Variants in FBXO4 observed in about 807,000 individuals in gnomAD.
The protein encoded by FBXO4 is F-box protein 4.
A neutral mutation model predicts 43.7 loss-of-function variants in FBXO4; 36 were observed. The observed-to-expected ratio is 0.82, with a 90% CI of 0.63 to 1.09. The LOEUF (loss-of-function observed/expected upper bound fraction) is 1.09. FBXO4 is among the 50% of genes least tolerant of loss of function. The pLI is 0.00. For missense variants in FBXO4, 435 were observed against 474.1 expected (o/e 0.92, Z 0.77); for synonymous variants, 180 against 165.6 (o/e 1.09, Z -0.67).
the FBXO4 span, among the ~76,000 whole-genome samples, chr5:42,029,936 A>G: frequency 6.6e-6 from 1 of 152,062 alleles, no homozygotes; most frequent in African/African-American, 2.4e-5. Flanking sequence ...ACTACAAACC[A>G]CTGCTCAATG....
At chr5:41,978,309 A>G in the FBXO4 span, among the ~76,000 whole-genome samples, 1 of 152,188 alleles carries the variant, frequency 6.6e-6, no homozygotes, top group East Asian at 1.9e-4. Flanking sequence ...CACACCTCCA[A>G]CGTTGGAGAT....
Position 41,933,978 on chromosome 5 carries a change from A to C in FBXO4, c.679A>C (p.Asn227His), listed in dbSNP as rs774535471. 1 of 1,613,748 alleles carries C rather than the reference A, an allele frequency of 6.2e-7. No homozygotes were observed. Among genetic ancestry groups the C allele is most frequent in the Non-Finnish European group, 8.5e-7 (1 of 1,179,930 alleles). The change falls in exon 4 of 7, where the codon AAC becomes CAC. Residue 227 changes from asparagine (N) to histidine (H), a missense_variant. Coordinates refer to ENST00000281623, the MANE Select transcript of FBXO4 (RefSeq NM_012176.3). The stretch of plus-strand genomic sequence containing the variant: ...ATCAGGAGTCAATTTTCAGTTGAAC[A>C]ACCAACATAAATTCAACATTCTAAT... Reference protein sequence around the residue: ...IGSGVNFQLNNQHKFNILILY... With the variant: ...IGSGVNFQLNHQHKFNILILY...
chr5:41,983,269 A>G, the FBXO4 span, among the ~76,000 whole-genome samples: 1 of 152,148 alleles, frequency 6.6e-6, no homozygotes, highest in Non-Finnish European at 1.5e-5. Context: ...CATACTCTGT[A>G]TTGTCTATAT....
the FBXO4 span, among the ~76,000 whole-genome samples, chr5:41,970,635 T>C: frequency 1.3e-5 from 2 of 151,674 alleles, no homozygotes; most frequent in Non-Finnish European, 3.0e-5. Flanking sequence ...ATCTGTATAG[T>C]GGATGGGAAA....
At chr5:41,998,488 C>T in the FBXO4 span, among the ~76,000 whole-genome samples, 1 of 152,200 alleles carries the variant, frequency 6.6e-6, no homozygotes, top group Non-Finnish European at 1.5e-5. Flanking sequence ...GCATTTCCAG[C>T]TAGCTCACAG....
At position 41,930,235 on chromosome 5, in the gene FBXO4, T is replaced by G. The variant is rs1371977469; in HGVS notation, c.646+318T>G. 4.6e-5 allele frequency: 11 copies of G among 237,476 alleles called. No homozygotes were observed. In the East Asian group the frequency reaches 1.0e-3, roughly 22 times the overall value. 14.7% of individuals were successfully genotyped at this position (237,476 alleles called of 1,614,324 possible). A position where few individuals can be genotyped will look rare whatever the true frequency, so the allele number is the denominator to read the frequency against. ...GAAAAAGCAGAAAAAATTGAGCATC[T>G]GTGTGGAGAGTATTTTGATATGTAT... On this transcript the variant is annotated intron_variant, in intron 3 of 6. Transcript: ENST00000281623.
chr5:41,985,579 G>A, the FBXO4 span, among the ~76,000 whole-genome samples: 1 of 152,120 alleles, frequency 6.6e-6, no homozygotes, highest in Non-Finnish European at 1.5e-5. Context: ...GAAGAATATA[G>A]GCTTAGTGTT....
At chr5:41,995,471 C>T in the FBXO4 span, among the ~76,000 whole-genome samples, 2 of 152,184 alleles carry the variant, frequency 1.3e-5, no homozygotes, top group Admixed American at 6.5e-5. Flanking sequence ...CAGCAGTGGC[C>T]ATAGCCAGGT....
chr5:42,031,667 C>A, the FBXO4 span, among the ~76,000 whole-genome samples: 1 of 151,954 alleles, frequency 6.6e-6, no homozygotes, highest in Non-Finnish European at 1.5e-5. Context: ...ATCTGTGTTT[C>A]TCCAGGATTT....
chr5:42,018,241 A>T, the FBXO4 span, among the ~76,000 whole-genome samples: 2 of 151,402 alleles, frequency 1.3e-5, no homozygotes, highest in African/African-American at 4.8e-5. Flanking sequence ...TTGAGAAAAA[A>T]TCAGAGCAAA....
At chr5:42,018,037 C>T in the FBXO4 span, among the ~76,000 whole-genome samples, 1 of 151,256 alleles carries the variant, frequency 6.6e-6, no homozygotes, top group African/African-American at 2.4e-5. Flanking sequence ...TTGTTAAAAC[C>T]AGAACCTCAA....
the FBXO4 span, among the ~76,000 whole-genome samples, chr5:41,958,165 C>T: frequency 2.9e-3 from 398 of 139,064 alleles, 2 homozygotes; most frequent in African/African-American, 1.0e-2. Context: ...GACGGAGTCT[C>T]GCTCTGTCAC....
chr5:42,015,468 T>G, the FBXO4 span, among the ~76,000 whole-genome samples: 1 of 152,180 alleles, frequency 6.6e-6, no homozygotes, highest in African/African-American at 2.4e-5. Context: ...TTCTTCCCCA[T>G]CCTCAGATCA....
At chr5:41,935,876 GAGAA>G (rs1375650558) in intron 5 of FBXO4, among the ~76,000 whole-genome samples, 1 of 152,244 alleles carries the variant, frequency 6.6e-6, no homozygotes, top group Non-Finnish European at 1.5e-5. Flanking sequence ...TAGAAACTCT[GAGAA>G]AGAAACTCTG....
the FBXO4 span, chr5:41,964,116 C>A: frequency 6.6e-6 from 1 of 152,048 alleles, no homozygotes; most frequent in African/African-American, 2.4e-5. Context: ...TAAACAAAAG[C>A]AAATATCTAG....
At chr5:42,004,099 A>G in the FBXO4 span, among the ~76,000 whole-genome samples, 1 of 152,172 alleles carries the variant, frequency 6.6e-6, no homozygotes, top group Non-Finnish European at 1.5e-5. Flanking sequence ...GCTGAAAACC[A>G]TCATTCTGAG....
chr5:41,964,814 T>G, the FBXO4 span, among the ~76,000 whole-genome samples: 2 of 152,122 alleles, frequency 1.3e-5, no homozygotes, highest in Admixed American at 6.5e-5. Flanking sequence ...TTGCAAAAAT[T>G]TTCTCCCATT....
the FBXO4 span, among the ~76,000 whole-genome samples, chr5:41,960,220 C>A: frequency 6.6e-6 from 1 of 151,864 alleles, no homozygotes; most frequent in Non-Finnish European, 1.5e-5. Flanking sequence ...TATTCTGCAA[C>A]TTTATTGAAT....
At chr5:41,959,522 A>G in the FBXO4 span, among the ~76,000 whole-genome samples, 1 of 151,992 alleles carries the variant, frequency 6.6e-6, no homozygotes, top group African/African-American at 2.4e-5. Flanking sequence ...TTTTGGTATT[A>G]TATTTGTCTT....
Sources: gnomAD v4.1 joint callset for allele counts (sites outside exome capture counted in the v4.1 genomes callset) on GRCh38, gnomAD v4.1.1 for gene constraint, MANE v1.5 for transcripts, NCBI Gene and HGNC (gene_info 2026-07-23, HGNC 2026-07-21) for gene names.